The following IQCM variants were observed in gnomAD, a reference collection of about 807,000 sequenced individuals.
IQCM encodes the protein IQ motif containing M.
In IQCM, 45 loss-of-function variants were observed where a neutral mutation model predicts 57.6. The observed-to-expected ratio is 0.78, with a 90% CI of 0.62 to 1.00. The LOEUF is 1.00. Ranked by LOEUF, IQCM falls within the 50% of genes least tolerant of loss-of-function variation. The pLI, the probability that IQCM is intolerant of heterozygous loss-of-function variation, is 0.00. For missense variants in IQCM, 468 were observed against 511.6 expected (o/e 0.91, Z 0.82); for synonymous variants, 148 against 158.9 (o/e 0.93, Z 0.51).
intron 8 of IQCM, among the ~76,000 whole-genome samples, chr4:149,609,222 AG>A (rs750161307): frequency 2.0e-5 from 3 of 152,008 alleles, no homozygotes; most frequent in African/African-American, 4.8e-5. Context: ...GACCACAACT[AG>A]TATTGAGATA....
chr4:149,643,165 T>A lies in IQCM; in HGVS notation c.566-21921A>T, dbSNP rs528850338. On this transcript the variant is annotated intron_variant, in intron 7 of 13. Transcript: ENST00000636793. ...GGGCCAAACTAATTGTAACGCCTAG[T>A]ATTTCAGTTTAACACATGGAGTTAT... 4.3e-4 allele frequency among the ~76,000 whole-genome samples: 66 copies of A among 152,318 alleles called. 1 individual carries two copies. The highest frequency in any genetic ancestry group is 2.0e-3 in the Admixed American group (31 of 15,290).
At chr4:149,713,076 A>G (rs1764697449) in intron 5 of IQCM, among the ~76,000 whole-genome samples, 1 of 151,592 alleles carries the variant, frequency 6.6e-6, no homozygotes, top group South Asian at 2.1e-4. Context: ...CTGAAGTCCT[A>G]CTAAAACAAA....
chr4:149,465,638 C>T (rs1738775742), intron 12 of IQCM, among the ~76,000 whole-genome samples: 1 of 152,058 alleles, frequency 6.6e-6, no homozygotes, highest in Non-Finnish European at 1.5e-5. Flanking sequence ...AAAATATTTC[C>T]TTCTTCTCAC....
intron 2 of IQCM, among the ~76,000 whole-genome samples, chr4:149,812,503 GACACACAC>G (rs71596217): frequency 2.3e-5 from 3 of 132,102 alleles, no homozygotes; most frequent in African/African-American, 5.5e-5. Context: ...CACACACACA[GACACACAC>G]ACACACACAC....
chr4:149,548,155 T>G (rs958841448), intron 12 of IQCM, among the ~76,000 whole-genome samples: 3 of 152,172 alleles, frequency 2.0e-5, no homozygotes, highest in African/African-American at 7.2e-5. Flanking sequence ...CAGCTTGATG[T>G]AACTTATTTT....
chr4:149,731,372 A>G, intron 5 of IQCM, among the ~76,000 whole-genome samples: 1 of 152,134 alleles, frequency 6.6e-6, no homozygotes, highest in East Asian at 1.9e-4. Context: ...TCTTGGAAGC[A>G]GAGACTGGAC....
At chr4:149,590,121 G>A (rs539762244) in intron 8 of IQCM, among the ~76,000 whole-genome samples, 1 of 151,816 alleles carries the variant, frequency 6.6e-6, no homozygotes, top group African/African-American at 2.4e-5. Flanking sequence ...AAACATTCCT[G>A]AGGATTTCCT....
intron 5 of IQCM, among the ~76,000 whole-genome samples, chr4:149,723,472 G>C (rs1765623105): frequency 6.6e-6 from 1 of 151,842 alleles, no homozygotes; most frequent in Non-Finnish European, 1.5e-5. Context: ...TATATTCTTA[G>C]TTTGTTGAGG....
At chr4:149,459,106 C>T (rs1738006204) in intron 12 of IQCM, among the ~76,000 whole-genome samples, 2 of 152,140 alleles carry the variant, frequency 1.3e-5, no homozygotes, top group African/African-American at 4.8e-5. Flanking sequence ...CAACAATGTT[C>T]CAAATACCTC....
chr4:149,499,187 G>A (rs1433741839), intron 12 of IQCM, among the ~76,000 whole-genome samples: 1 of 152,126 alleles, frequency 6.6e-6, no homozygotes, highest in Non-Finnish European at 1.5e-5. Flanking sequence ...CTGGCTCCTA[G>A]AAAGCAGAAT....
chr4:149,774,644 TCTGCTGCACTTG>T (rs1770907134), intron 2 of IQCM, among the ~76,000 whole-genome samples: 1 of 151,656 alleles, frequency 6.6e-6, no homozygotes, highest in Admixed American at 6.6e-5. Context: ...CTGGCTGGAG[TCTGCTGCACTTG>T]GGGACGTCCT....
At chr4:149,699,374 G>A (rs1438358564) in intron 5 of IQCM, among the ~76,000 whole-genome samples, 1 of 151,924 alleles carries the variant, frequency 6.6e-6, no homozygotes, top group Non-Finnish European at 1.5e-5. Flanking sequence ...AAATACCATG[G>A]TCAGAAGCTT....
At chr4:149,804,205 A>G (rs1057076082) in intron 2 of IQCM, among the ~76,000 whole-genome samples, 1 of 152,022 alleles carries the variant, frequency 6.6e-6, no homozygotes, top group African/African-American at 2.4e-5. Context: ...ATTTCAAAAC[A>G]GTTACTTTCT....
chr4:149,454,147 G>GAT (rs34730850), intron 12 of IQCM, among the ~76,000 whole-genome samples: 17,320 of 126,562 alleles, frequency 0.14, 1,317 homozygotes, highest in East Asian at 0.23. Flanking sequence ...AAGAAAATGT[G>GAT]ATATATATAT....
intron 5 of IQCM, among the ~76,000 whole-genome samples, chr4:149,696,737 C>G (rs6535695): frequency 0.45 from 68,439 of 151,828 alleles, 15,663 homozygotes; most frequent in South Asian, 0.57. Flanking sequence ...GGCTTAGACG[C>G]ATCAGGCTAG....
intron 2 of IQCM, among the ~76,000 whole-genome samples, chr4:149,745,920 C>T (rs779027246): frequency 6.6e-6 from 1 of 151,772 alleles, no homozygotes; most frequent in Non-Finnish European, 1.5e-5. Flanking sequence ...TGCAGTGAGC[C>T]GTGATCGTGC....
At chr4:149,401,256 C>A (rs1475031591) in intron 13 of IQCM, among the ~76,000 whole-genome samples, 2 of 151,668 alleles carry the variant, frequency 1.3e-5, no homozygotes, top group East Asian at 3.9e-4. Context: ...CAAATTAATT[C>A]AAGAAGACAT....
chr4:149,454,939 G>C (rs954800857), intron 12 of IQCM, among the ~76,000 whole-genome samples: 1 of 151,966 alleles, frequency 6.6e-6, no homozygotes, highest in East Asian at 1.9e-4. Flanking sequence ...CTAACATTAG[G>C]TTATGGTGAT....
chr4:149,472,190 T>G (rs999152114), intron 12 of IQCM, among the ~76,000 whole-genome samples: 9 of 152,206 alleles, frequency 5.9e-5, no homozygotes, highest in Non-Finnish European at 1.2e-4. Flanking sequence ...TGTCCCTGTT[T>G]GCAGCTGACA....
Sources: allele counts gnomAD v4.1 joint callset (sites outside exome capture counted in the v4.1 genomes callset), GRCh38; gene constraint gnomAD v4.1.1; transcripts MANE v1.5; gene names NCBI Gene and HGNC (gene_info 2026-07-23, HGNC 2026-07-21).